Variants in TBC1D1 observed in about 807,000 individuals in gnomAD.
TBC1D1 encodes the protein TBC1 domain family member 1, also known as TBC1 (tre-2/USP6, BUB2, cdc16) domain family, member 1.
Under a neutral mutation model 125.6 loss-of-function variants are expected in TBC1D1, and 89 were observed. That is an observed-to-expected ratio of 0.71 (90% CI 0.60 to 0.85). The LOEUF (loss-of-function observed/expected upper bound fraction) is 0.85, where lower values mean the gene tolerates loss of function less well. Among genes scored for constraint, TBC1D1 ranks in the 40% least tolerant of loss-of-function variants. The probability of loss-of-function intolerance (pLI) is 0.00; values close to 1 mark genes in which losing one functional copy is unlikely to be tolerated. For missense variants in TBC1D1, 1,377 were observed against 1,469.2 expected (o/e 0.94, Z 1.03); for synonymous variants, 565 against 564.1 (o/e 1.00, Z -0.02).
At chr4:37,897,494 A>G (rs751829776) in intron 1 of TBC1D1, among the ~76,000 whole-genome samples, 4 of 152,244 alleles carry the variant, frequency 2.6e-5, no homozygotes, top group Non-Finnish European at 5.9e-5. Flanking sequence ...AGCTAAGAAC[A>G]TGCTACAGCT....
chr4:37,944,763 C>G (rs187307742), intron 2 of TBC1D1, among the ~76,000 whole-genome samples: 1 of 152,308 alleles, frequency 6.6e-6, no homozygotes, highest in Admixed American at 6.5e-5. Context: ...AAAGGGAATT[C>G]CCTGATCCCT....
chr4:38,015,464 C>CTT lies in TBC1D1; in HGVS notation c.882+503_882+504dup, dbSNP rs545314565. Among the ~76,000 whole-genome samples the CTT allele has an allele frequency of 1.1e-3, 152 of 141,590 alleles. 1 individual carries two copies. Among genetic ancestry groups the CTT allele is most frequent in the African/African-American group, 2.7e-3 (104 of 38,750 alleles). 92.9% of individuals were successfully genotyped at this position (141,590 alleles called of 152,430 possible). A position where few individuals can be genotyped will look rare whatever the true frequency, so the allele number is the denominator to read the frequency against. ...ATTAATTTAGCCAATGGCTTGCTTGCTTTTTTTTTTTTTAGAAAAAAAGTG... is the reference window on the plus strand; with the variant it reads ...ATTAATTTAGCCAATGGCTTGCTTGCTTTTTTTTTTTTTTTAGAAAAAAAGTG... On this transcript the variant is annotated intron_variant, in intron 3 of 19. Transcript: ENST00000261439.
chr4:37,996,717 A>G (rs952578192), intron 2 of TBC1D1, among the ~76,000 whole-genome samples: 1 of 152,246 alleles, frequency 6.6e-6, no homozygotes. Context: ...GAATTAGTGT[A>G]ATTTTTCTGT....
intron 2 of TBC1D1, among the ~76,000 whole-genome samples, chr4:37,990,723 C>T (rs533916116): frequency 2.5e-4 from 38 of 152,270 alleles, no homozygotes; most frequent in Admixed American, 4.6e-4. Flanking sequence ...AAGTCTGTGC[C>T]ATCCAGTTTT....
At chr4:38,021,469 G>A (rs933544712) in intron 5 of TBC1D1, 117 bp from the exon 6 acceptor site, 1 of 802,762 alleles carries the variant, frequency 1.2e-6, no homozygotes, top group Admixed American at 3.6e-5. Context: ...CCTGTGAAGA[G>A]TAGTACAGAA....
intron 2 of TBC1D1, among the ~76,000 whole-genome samples, chr4:37,992,974 T>G (rs1736957675): frequency 6.6e-6 from 1 of 151,706 alleles, no homozygotes; most frequent in African/African-American, 2.4e-5. Context: ...CCAGCTAATT[T>G]TGTATTTTTA....
intron 6 of TBC1D1, among the ~76,000 whole-genome samples, chr4:38,023,097 A>G (rs890439955): frequency 6.6e-6 from 1 of 152,032 alleles, no homozygotes; most frequent in African/African-American, 2.4e-5. Context: ...AAATACAAAA[A>G]TTAGCTGGGT....
chr4:38,026,051 A>G lies in TBC1D1; in HGVS notation c.1211-1737A>G, dbSNP rs1164684958. Among the ~76,000 whole-genome samples the G allele has an allele frequency of 4.7e-5, 7 of 150,462 alleles. No homozygotes were observed. The East Asian group carries it at 1.4e-3, about 30-fold the overall frequency. ...TGGACAAAATACTTCGATGTGCCTCAGTTTCTTCAGGTGGGCATTGAGATT... is the reference window on the plus strand; with the variant it reads ...TGGACAAAATACTTCGATGTGCCTCGGTTTCTTCAGGTGGGCATTGAGATT... On this transcript the variant is annotated intron_variant, in intron 6 of 19. Transcript: ENST00000261439.
At chr4:37,900,870 G>A (rs1325453432) in intron 1 of TBC1D1, among the ~76,000 whole-genome samples, 3 of 152,044 alleles carry the variant, frequency 2.0e-5, no homozygotes, top group African/African-American at 7.2e-5. Context: ...CCAGGAGTTC[G>A]AGACCAGCCT....
chr4:37,975,497 A>ACC (rs1269499662), intron 2 of TBC1D1, among the ~76,000 whole-genome samples: 6 of 151,956 alleles, frequency 3.9e-5, no homozygotes, highest in African/African-American at 1.5e-4. Flanking sequence ...TCTTCTCTAA[A>ACC]CTCCCCCGGG....
At chr4:37,926,521 C>G (rs1349534311) in intron 2 of TBC1D1, among the ~76,000 whole-genome samples, 1 of 152,240 alleles carries the variant, frequency 6.6e-6, no homozygotes, top group African/African-American at 2.4e-5. Flanking sequence ...GATCCTGGCT[C>G]TGCCTTTTTG....
At chr4:37,952,400 T>C (rs1728069810) in intron 2 of TBC1D1, 3 of 329,012 alleles carry the variant, frequency 9.1e-6, no homozygotes, top group Admixed American at 8.3e-5. Context: ...AATGGTAGAC[T>C]GGATAAAGAA....
intron 17 of TBC1D1, chr4:38,120,067 T>C (rs535084405): frequency 1.0e-6 from 1 of 985,428 alleles, no homozygotes; most frequent in African/African-American, 1.7e-5. Context: ...TCTCTGAAGC[T>C]CACTCTAATG....
intron 2 of TBC1D1, among the ~76,000 whole-genome samples, chr4:38,012,066 G>A (rs1353266295): frequency 6.6e-6 from 1 of 152,174 alleles, no homozygotes; most frequent in Non-Finnish European, 1.5e-5. Context: ...AAGCCTCAGA[G>A]GACTGAATAA....
At chr4:38,036,702 C>A (rs1747285816) in intron 8 of TBC1D1, among the ~76,000 whole-genome samples, 1 of 152,300 alleles carries the variant, frequency 6.6e-6, no homozygotes, top group African/African-American at 2.4e-5. Context: ...CACGTGCCTT[C>A]CCTGAACACT....
intron 2 of TBC1D1, among the ~76,000 whole-genome samples, chr4:38,007,804 G>A (rs2152417601): frequency 6.6e-6 from 1 of 152,320 alleles, no homozygotes; most frequent in African/African-American, 2.4e-5. Context: ...TTTGCCAAGG[G>A]CCTCCATAAT....
At chr4:37,973,022 T>C (rs1341486418) in intron 2 of TBC1D1, among the ~76,000 whole-genome samples, 1 of 152,208 alleles carries the variant, frequency 6.6e-6, no homozygotes, top group Non-Finnish European at 1.5e-5. Context: ...GCAGTGTGAC[T>C]GGCAAGCTAC....
intron 17 of TBC1D1, among the ~76,000 whole-genome samples, chr4:38,120,486 T>C (rs1763675484): frequency 6.6e-6 from 1 of 152,250 alleles, no homozygotes; most frequent in African/African-American, 2.4e-5. Context: ...CTATAGTCTT[T>C]TTTGGCCTAG....
intron 2 of TBC1D1, among the ~76,000 whole-genome samples, chr4:38,010,442 G>A (rs771891045): frequency 6.6e-6 from 1 of 152,074 alleles, no homozygotes; most frequent in Admixed American, 6.6e-5. Context: ...TTTCCCTCCC[G>A]GATGTGAGCT....
Sources: gnomAD v4.1 joint callset for allele counts (sites outside exome capture counted in the v4.1 genomes callset) on GRCh38, gnomAD v4.1.1 for gene constraint, MANE v1.5 for transcripts, NCBI Gene and HGNC (gene_info 2026-07-23, HGNC 2026-07-21) for gene names.